RNF220: variants seen among roughly 807,000 people sequenced by gnomAD.
RNF220 encodes ring finger protein 220.
In RNF220, 7 loss-of-function variants were observed where a neutral mutation model predicts 67.1. That is an observed-to-expected ratio of 0.10 (90% confidence interval 0.06 to 0.20). The LOEUF (loss-of-function observed/expected upper bound fraction) is 0.20, where lower values mean the gene tolerates loss of function less well. RNF220 is among the 10% of genes least tolerant of loss of function. The pLI is 1.00. For synonymous variants in RNF220, 270 were observed against 283.2 expected (o/e 0.95, Z 0.47); for missense variants, 565 against 740.3 (o/e 0.76, Z 2.75).
chr1:44,522,449 A>G (rs1051359189), intron 2 of RNF220, among the ~76,000 whole-genome samples: 2 of 152,248 alleles, frequency 1.3e-5, no homozygotes, highest in Non-Finnish European at 2.9e-5. Context: ...AACTCAGAGC[A>G]TTTGAGTTAC....
intron 2 of RNF220, among the ~76,000 whole-genome samples, chr1:44,500,107 T>C (rs982956814): frequency 6.6e-6 from 1 of 152,238 alleles, no homozygotes; most frequent in African/African-American, 2.4e-5. Flanking sequence ...GCCCTTTTAA[T>C]ACATAAATCA....
chr1:44,465,788 TAA>T (rs1304380329), intron 2 of RNF220, among the ~76,000 whole-genome samples: 1 of 152,202 alleles, frequency 6.6e-6, no homozygotes, highest in Non-Finnish European at 1.5e-5. Flanking sequence ...GCATTATGTC[TAA>T]AAAACAATGT....
At chr1:44,515,133 A>G (rs1337286010) in intron 2 of RNF220, among the ~76,000 whole-genome samples, 1 of 152,250 alleles carries the variant, frequency 6.6e-6, no homozygotes. Context: ...GGACCAAGCC[A>G]ACAGTCTATT....
chr1:44,581,379 G>A (rs1341858124), intron 2 of RNF220, among the ~76,000 whole-genome samples: 1 of 152,242 alleles, frequency 6.6e-6, no homozygotes, highest in Non-Finnish European at 1.5e-5. Context: ...AGTTGGACAG[G>A]TGGAGCCTAC....
chr1:44,617,674 C>T (rs1425396363), intron 3 of RNF220, among the ~76,000 whole-genome samples: 1 of 152,216 alleles, frequency 6.6e-6, no homozygotes, highest in Non-Finnish European at 1.5e-5. Flanking sequence ...CTGAGACACC[C>T]TCTCCACTCC....
chr1:44,529,618 C>G (rs1364392233), intron 2 of RNF220, among the ~76,000 whole-genome samples: 1 of 152,166 alleles, frequency 6.6e-6, no homozygotes, highest in African/African-American at 2.4e-5. Context: ...TCAAGTAATC[C>G]ACCTGCCTGG....
chr1:44,538,692 G>C (rs1661431244), intron 2 of RNF220, among the ~76,000 whole-genome samples: 1 of 152,152 alleles, frequency 6.6e-6, no homozygotes, highest in Admixed American at 6.5e-5. Context: ...GACACAGGTG[G>C]ATCACCTGAG....
At chr1:44,528,170 TA>T (rs1296891467) in intron 2 of RNF220, among the ~76,000 whole-genome samples, 4 of 151,874 alleles carry the variant, frequency 2.6e-5, no homozygotes, top group East Asian at 1.9e-4. Flanking sequence ...TACAAATCAA[TA>T]AAAAGCACTA....
intron 1 of RNF220, chr1:44,408,610 GTTTA>G (rs1647641789): frequency 6.6e-6 from 1 of 152,118 alleles, no homozygotes; most frequent in Non-Finnish European, 1.5e-5. Context: ...TTTTTTAAAA[GTTTA>G]TTTATGCAAA....
chr1:44,632,680 C>G, intron 6 of RNF220: 1 of 538,172 alleles, frequency 1.9e-6, no homozygotes, highest in Non-Finnish European at 3.4e-6. Flanking sequence ...TACTCGGGAG[C>G]TCAGCTTTGA....
At chr1:44,501,062 G>A (rs1371107170) in intron 2 of RNF220, among the ~76,000 whole-genome samples, 1 of 151,114 alleles carries the variant, frequency 6.6e-6, no homozygotes, top group Non-Finnish European at 1.5e-5. Flanking sequence ...GTGGGGGTGG[G>A]GGTGGGGGTA....
chr1:44,503,806 C>T (rs1463351279), intron 2 of RNF220, among the ~76,000 whole-genome samples: 2 of 152,142 alleles, frequency 1.3e-5, no homozygotes, highest in Non-Finnish European at 2.9e-5. Flanking sequence ...CCACCCTAGG[C>T]CTACTGAACT....
chr1:44,448,748 T>C (rs1652358774), intron 2 of RNF220, among the ~76,000 whole-genome samples: 1 of 152,192 alleles, frequency 6.6e-6, no homozygotes, highest in Admixed American at 6.5e-5. Context: ...TCCAACGTAA[T>C]TGAGAACATT....
At chr1:44,517,952 C>G (rs1659585884) in intron 2 of RNF220, among the ~76,000 whole-genome samples, 1 of 151,500 alleles carries the variant, frequency 6.6e-6, no homozygotes, top group Non-Finnish European at 1.5e-5. Context: ...ACTGAAATTA[C>G]AAAAATTAGC....
intron 2 of RNF220, among the ~76,000 whole-genome samples, chr1:44,581,298 G>C (rs1437951465): frequency 6.6e-6 from 1 of 152,204 alleles, no homozygotes; most frequent in Non-Finnish European, 1.5e-5. Context: ...CTCCCATCAG[G>C]ATTCATTAGC....
At chr1:44,461,726 T>C (rs1298585882) in intron 2 of RNF220, among the ~76,000 whole-genome samples, 2 of 152,148 alleles carry the variant, frequency 1.3e-5, no homozygotes, top group Non-Finnish European at 2.9e-5. Context: ...TGTCCTATGA[T>C]GCTCTGCAAT....
At chr1:44,618,754 G>A (rs1476942871) in intron 3 of RNF220, among the ~76,000 whole-genome samples, 3 of 152,170 alleles carry the variant, frequency 2.0e-5, no homozygotes, top group South Asian at 4.1e-4. Flanking sequence ...GAAGAAACAG[G>A]AGGCAAGGGA....
At chr1:44,631,870 C>T in intron 5 of RNF220, 2 of 980,118 alleles carry the variant, frequency 2.0e-6, no homozygotes, top group Non-Finnish European at 2.4e-6. Context: ...CCGGTTGCTA[C>T]CCGAGTACAA....
rs117311328 is a variant in RNF220 at position 44,498,959 on chromosome 1, C to A, written c.625+86237C>A. Reference sequence around the variant, plus strand: ...CAGTCACAGACTCTGATATTCATCCCGAAATCTTGTCATTACCAGTAATTA... The same window carrying A: ...CAGTCACAGACTCTGATATTCATCCAGAAATCTTGTCATTACCAGTAATTA... On this transcript the variant is annotated intron_variant, in intron 2 of 14. Coordinates refer to ENST00000361799, the MANE Select transcript of RNF220 (RefSeq NM_018150.4). Among the ~76,000 whole-genome samples the A allele has an allele frequency of 0.011, 1,624 of 152,236 alleles. 67 individuals are homozygous for A. In the South Asian group the frequency reaches 0.12, roughly 11 times the overall value.
Sources: gnomAD v4.1 joint callset for allele counts (sites outside exome capture counted in the v4.1 genomes callset) on GRCh38, gnomAD v4.1.1 for gene constraint, MANE v1.5 for transcripts, NCBI Gene and HGNC (gene_info 2026-07-23, HGNC 2026-07-21) for gene names.